Variants in GRB14 observed in about 807,000 individuals in gnomAD.
The protein encoded by GRB14 is growth factor receptor-bound protein 14.
Under a neutral mutation model 69.1 loss-of-function variants are expected in GRB14, and 38 were observed. The observed-to-expected ratio is 0.55, with a 90% CI of 0.42 to 0.72. The LOEUF (loss-of-function observed/expected upper bound fraction) is 0.72. Ranked by LOEUF, GRB14 falls within the 30% of genes least tolerant of loss-of-function variation. The pLI, the probability that GRB14 is intolerant of heterozygous loss-of-function variation, is 0.00. For missense variants in GRB14, 666 were observed against 666.1 expected, an observed-to-expected ratio of 1.00 and a Z score of 0.00; for synonymous variants, 247 against 241.3, an observed-to-expected ratio of 1.02 and a Z score of -0.22.
At chr2:164,496,854 T>C (rs961082433) in intron 12 of GRB14, among the ~76,000 whole-genome samples, 154 bp downstream of exon 12, 10 of 152,182 alleles carry the variant, frequency 6.6e-5, no homozygotes, top group African/African-American at 2.4e-4. Context: ...TAGATACTGT[T>C]AGAATACAGT....
At chr2:164,619,620 C>T in intron 2 of GRB14, 67 bp downstream of exon 2, 3 of 1,035,532 alleles carry the variant, frequency 2.9e-6, no homozygotes, top group East Asian at 2.5e-5. Context: ...AATTACGGAA[C>T]ACCTTAAAGA....
intron 2 of GRB14, among the ~76,000 whole-genome samples, chr2:164,548,104 T>C (rs1688432876): frequency 6.6e-6 from 1 of 152,206 alleles, no homozygotes; most frequent in African/African-American, 2.4e-5. Flanking sequence ...GCTCTAGATG[T>C]GTTCATCCCA....
chr2:164,574,195 C>G, intron 2 of GRB14: 1 of 586,038 alleles, frequency 1.7e-6, no homozygotes, highest in Non-Finnish European at 3.0e-6. Flanking sequence ...CCATTTTTTC[C>G]CCTCCACTCT....
chr2:164,615,931 A>G (rs1368281911), intron 2 of GRB14, among the ~76,000 whole-genome samples: 1 of 152,218 alleles, frequency 6.6e-6, no homozygotes, highest in African/African-American at 2.4e-5. Context: ...CATTACTAAC[A>G]GATGATTTCC....
chr2:164,606,202 A>C (rs1266149760), intron 2 of GRB14, among the ~76,000 whole-genome samples: 1 of 152,128 alleles, frequency 6.6e-6, no homozygotes, highest in Non-Finnish European at 1.5e-5. Flanking sequence ...ATATGCATAT[A>C]TGCATCTTAT....
chr2:164,610,399 T>C (rs1690139863), intron 2 of GRB14, among the ~76,000 whole-genome samples: 2 of 152,090 alleles, frequency 1.3e-5, no homozygotes, highest in Admixed American at 1.3e-4. Flanking sequence ...AAATAATGTA[T>C]AAAATCAGAA....
intron 2 of GRB14, among the ~76,000 whole-genome samples, chr2:164,594,251 T>G (rs1689734501): frequency 6.6e-6 from 1 of 152,214 alleles, no homozygotes; most frequent in South Asian, 2.1e-4. Flanking sequence ...TTGGCAGTAT[T>G]TGCCCTGGAT....
chr2:164,533,804 T>C (rs1688013709), intron 3 of GRB14, among the ~76,000 whole-genome samples: 2 of 152,196 alleles, frequency 1.3e-5, no homozygotes, highest in African/African-American at 4.8e-5. Flanking sequence ...AGTCTGAATA[T>C]AAAAAAGAAC....
At chr2:164,502,392 T>C (rs1302596284) in intron 8 of GRB14, 57 bp from the exon 9 acceptor site, 4 of 972,264 alleles carry the variant, frequency 4.1e-6, no homozygotes, top group Non-Finnish European at 6.6e-6. Flanking sequence ...TGATAATCTA[T>C]GAAAATCAAC....
intron 3 of GRB14, among the ~76,000 whole-genome samples, chr2:164,528,088 G>A (rs1236576425): frequency 6.6e-6 from 1 of 152,064 alleles, no homozygotes; most frequent in Non-Finnish European, 1.5e-5. Flanking sequence ...TATACTGCAT[G>A]ATTCTACTTA....
chr2:164,554,496 G>A (rs1479964417), intron 2 of GRB14, among the ~76,000 whole-genome samples: 1 of 152,118 alleles, frequency 6.6e-6, no homozygotes, highest in Non-Finnish European at 1.5e-5. Context: ...ACATAGCACT[G>A]ATAATGTTTA....
chr2:164,550,131 T>C lies in GRB14; in HGVS notation c.325-2315A>G, dbSNP rs574753969. The stretch of plus-strand genomic sequence containing the variant: ...TTTCTCTTTTCTCCCCTGCAATTAG[T>C]TGTGGCCAAAGAATTGAATTTTAGT... On this transcript the variant is annotated intron_variant, in intron 2 of 13. Coordinates refer to ENST00000263915, the MANE Select transcript of GRB14 (RefSeq NM_004490.3). Among the ~76,000 whole-genome samples, 13 of 152,274 alleles carry C rather than the reference T, an allele frequency of 8.5e-5. No individual in the cohort carries two copies. The East Asian group carries it at 1.2e-3, about 14-fold the overall frequency.
intron 6 of GRB14, among the ~76,000 whole-genome samples, chr2:164,519,225 G>C (rs1257298721): frequency 6.6e-6 from 1 of 152,104 alleles, no homozygotes; most frequent in Non-Finnish European, 1.5e-5. Context: ...ACATATGCAA[G>C]TCAATAAATG....
chr2:164,547,889 T>C (rs1574296104), intron 2 of GRB14, 73 bp from the exon 3 acceptor site: 3 of 1,042,100 alleles, frequency 2.9e-6, no homozygotes, highest in Admixed American at 2.4e-5. Flanking sequence ...ATTGTATATA[T>C]TTAAAGTATA....
chr2:164,595,346 T>TA (rs1488866350), intron 2 of GRB14, among the ~76,000 whole-genome samples: 3 of 152,112 alleles, frequency 2.0e-5, no homozygotes, highest in Non-Finnish European at 2.9e-5. Context: ...AAAGCAGATA[T>TA]AAAAAACTAT....
chr2:164,566,404 C>T (rs993866419), intron 2 of GRB14, among the ~76,000 whole-genome samples: 7 of 151,862 alleles, frequency 4.6e-5, no homozygotes, highest in African/African-American at 1.2e-4. Flanking sequence ...TATATAAACA[C>T]CAAAATATGT....
At chr2:164,612,471 C>T (rs562706294) in intron 2 of GRB14, among the ~76,000 whole-genome samples, 37 of 152,300 alleles carry the variant, frequency 2.4e-4, no homozygotes, top group African/African-American at 8.4e-4. Context: ...ATCCTGAACC[C>T]TTTCTTTCTA....
intron 3 of GRB14, among the ~76,000 whole-genome samples, chr2:164,542,032 A>G (rs190854499): frequency 6.6e-6 from 1 of 152,204 alleles, no homozygotes; most frequent in Non-Finnish European, 1.5e-5. Context: ...AAACCATATT[A>G]TAATCCTACA....
At chr2:164,544,181 T>A (rs943213952) in intron 3 of GRB14, among the ~76,000 whole-genome samples, 1 of 152,178 alleles carries the variant, frequency 6.6e-6, no homozygotes, top group African/African-American at 2.4e-5. Flanking sequence ...AGAAATAAAC[T>A]TCTATTGCTA....
Sources: allele counts gnomAD v4.1 joint callset (sites outside exome capture counted in the v4.1 genomes callset), GRCh38; gene constraint gnomAD v4.1.1; transcripts MANE v1.5; gene names NCBI Gene and HGNC (gene_info 2026-07-23, HGNC 2026-07-21).